The following PIEZO2 variants were observed in gnomAD, a reference collection of about 807,000 sequenced individuals.
The protein encoded by PIEZO2 is piezo-type mechanosensitive ion channel component 2.
Under a neutral mutation model 337.3 loss-of-function variants are expected in PIEZO2, and 172 were observed. That is an observed-to-expected ratio of 0.51 (90% CI 0.45 to 0.58). PIEZO2 has a LOEUF of 0.58. Among genes scored for constraint, PIEZO2 ranks in the 20% least tolerant of loss-of-function variants. The pLI is 0.00. For synonymous variants in PIEZO2, 1,251 were observed against 1,228.5 expected, an observed-to-expected ratio of 1.02 and a Z score of -0.38; for missense variants, 3,028 against 3,391.3, an observed-to-expected ratio of 0.89 and a Z score of 2.66.
Position 10,862,320 on chromosome 18 carries a change from C to A in PIEZO2, c.493-5109G>T, listed in dbSNP as rs1048780075. Among the ~76,000 whole-genome samples, 3 of 152,092 alleles carry A rather than the reference C, an allele frequency of 2.0e-5. No individual in the cohort carries two copies. Among genetic ancestry groups the A allele is most frequent in the Non-Finnish European group, 4.4e-5 (3 of 68,018 alleles). ...TATTAGTGTAAGATCTCTCATTTCA[C>A]ATAAGGAAACTTTAGGTGCTATGGA... On this transcript the variant is annotated intron_variant, in intron 5 of 55. Transcript: ENST00000674853. This position sits in a 1 kb window ranked among gnomAD's most constrained non-coding sequence, Gnocchi z 4.4.
intron 4 of PIEZO2, among the ~76,000 whole-genome samples, chr18:10,892,835 A>G (rs561451443): frequency 1.3e-5 from 2 of 152,372 alleles, no homozygotes; most frequent in South Asian, 4.1e-4. Context: ...CATACAAATG[A>G]AATATTTTAA....
chr18:10,849,836 T>C (rs1314815181), intron 7 of PIEZO2, among the ~76,000 whole-genome samples: 1 of 152,252 alleles, frequency 6.6e-6, no homozygotes, highest in Admixed American at 6.5e-5. Context: ...TCGGGAGACC[T>C]GCCAGACTAA....
Position 10,773,744 on chromosome 18 carries a change from C to T in PIEZO2, c.2568-115G>A. 1 of 988,224 alleles carries T rather than the reference C, an allele frequency of 1.0e-6. No homozygotes were observed. Among genetic ancestry groups the T allele is most frequent in the Non-Finnish European group, 1.5e-6 (1 of 671,708 alleles). 61.2% of individuals were successfully genotyped at this position (988,224 alleles called of 1,614,324 possible). A position where few individuals can be genotyped will look rare whatever the true frequency, so the allele number is the denominator to read the frequency against. ...GAAATCAGTGCATGTACAAAGACCT[C>T]ACAAGGTGGGGTGTTAGCGTTTTGT... On this transcript the variant is annotated intron_variant, in intron 19 of 55. Coordinates refer to ENST00000674853, the MANE Select transcript of PIEZO2 (RefSeq NM_001378183.1). This position sits in a 1 kb window ranked among gnomAD's most constrained non-coding sequence, Gnocchi z 5.3.
rs2037692552 is a variant in PIEZO2, at chr18:10,752,675, T to C, written c.4128A>G (p.Ala1376=). The C allele has an allele frequency of 6.5e-7, 1 of 1,537,136 alleles. No homozygotes were observed. The highest frequency in any genetic ancestry group is 1.2e-5 in the South Asian group (1 of 84,068). The change falls in exon 28 of 56, where the codon GCA becomes GCG. Residue 1376 remains alanine, a synonymous_variant. Transcript: ENST00000674853. ...SILRYWDWLI[A]YNVFVITMKN... is the part of the protein sequence containing the mutation. The stretch of plus-strand genomic sequence containing the variant: ...TCATCGTAATCACAAAAACGTTGTA[T>C]GCGATCAGCCAGTCCCAGTAGCGCA...
intron 4 of PIEZO2, among the ~76,000 whole-genome samples, chr18:10,873,218 C>T (rs949722884): frequency 6.6e-6 from 1 of 151,950 alleles, no homozygotes; most frequent in Non-Finnish European, 1.5e-5. Context: ...TCAATAATAC[C>T]TACCATTTTC....
Position 11,028,253 on chromosome 18 carries a change from T to A in PIEZO2, c.160+37874A>T, listed in dbSNP as rs142645854. Among the ~76,000 whole-genome samples the A allele has an allele frequency of 2.3e-4, 35 of 151,846 alleles. No homozygotes were observed. Among genetic ancestry groups the A allele is most frequent in the African/African-American group, 7.5e-4 (31 of 41,236 alleles). On this transcript the variant is annotated intron_variant, in intron 2 of 55. Transcript: ENST00000674853. This position sits in a 1 kb window ranked among gnomAD's most constrained non-coding sequence, Gnocchi z 4.8. ...CTTTTCTTTTCTTCTTCTTCTTCTT[T>A]ATTTTTTATTATTTTTTTTTATTTT... is the stretch of plus-strand genomic sequence containing the variant.
chr18:10,868,592 T>C (rs2042063408), intron 5 of PIEZO2, among the ~76,000 whole-genome samples: 1 of 152,240 alleles, frequency 6.6e-6, no homozygotes, highest in Non-Finnish European at 1.5e-5. Flanking sequence ...GTATTTTCAA[T>C]GTCCCTAATA....
chr18:10,717,916 A>G (rs376284130), intron 37 of PIEZO2, among the ~76,000 whole-genome samples: 4 of 152,306 alleles, frequency 2.6e-5, no homozygotes, highest in African/African-American at 9.6e-5. Flanking sequence ...TGGGACATTA[A>G]GAATTTGCTC....
intron 1 of PIEZO2, among the ~76,000 whole-genome samples, chr18:11,086,355 C>T (rs1312639195): frequency 6.6e-6 from 1 of 151,850 alleles, no homozygotes; most frequent in African/African-American, 2.4e-5. Context: ...CCCGTCTCGA[C>T]TAAAAATACA....
At chr18:11,076,720 A>G (rs1014684803) in intron 1 of PIEZO2, among the ~76,000 whole-genome samples, 9 of 152,248 alleles carry the variant, frequency 5.9e-5, no homozygotes, top group African/African-American at 1.9e-4. Flanking sequence ...CAGTACATAT[A>G]TAATTTCATA....
In PIEZO2 at chr18:10,680,254, C is replaced by G. The variant is rs1174509977; in HGVS notation, c.7897G>C (p.Glu2633Gln). ...SPPSKQKMIH[E>Q]LLDPNSSFSV... Reference sequence around the variant, plus strand: ...AAGCTACTATTGGGGTCCAGGAGTTCGTGTATCATTTTCTGCTTACTGGGT... The same window carrying G: ...AAGCTACTATTGGGGTCCAGGAGTTGGTGTATCATTTTCTGCTTACTGGGT... The change falls in exon 52 of 56, where the codon GAA becomes CAA. Residue 2633 changes from glutamate to glutamine, a missense_variant. By Grantham distance (29) the Glu-to-Gln change is conservative (BLOSUM62 2). Coordinates refer to ENST00000674853, the MANE Select transcript of PIEZO2 (RefSeq NM_001378183.1). 1.2e-6 allele frequency: 2 copies of G among 1,613,964 alleles called. No homozygotes were observed. The highest frequency in any genetic ancestry group is 2.2e-5 in the South Asian group (2 of 91,076).
chr18:10,843,575 T>A (rs1264231158), intron 7 of PIEZO2, among the ~76,000 whole-genome samples: 1 of 152,158 alleles, frequency 6.6e-6, no homozygotes, highest in Non-Finnish European at 1.5e-5. Flanking sequence ...TAGAAAAAAA[T>A]TTAACTGTGA....
chr18:10,782,235 T>G (rs1259528832), intron 17 of PIEZO2, among the ~76,000 whole-genome samples: 1 of 128,580 alleles, frequency 7.8e-6, no homozygotes, highest in East Asian at 2.0e-4. Flanking sequence ...ATATATATGA[T>G]TATATATTAT....
chr18:10,726,578 A>C lies in PIEZO2; in HGVS notation c.5029+4829T>G, dbSNP rs1329222514. 3 of 1,406,936 alleles carry C rather than the reference A, an allele frequency of 2.1e-6. No homozygotes were observed. Among genetic ancestry groups the C allele is most frequent in the Non-Finnish European group, 2.8e-6 (3 of 1,059,152 alleles). The allele number at this position is 1,406,936 out of a possible 1,614,324, so 87.2% of individuals were successfully genotyped here. ...CACGCTGTGCGTCTGTCCTTCCGCC[A>C]GCTCTTCCAGGACCTGGCGCGCTAC... On this transcript the variant is annotated intron_variant, in intron 36 of 55. Coordinates refer to ENST00000674853, the MANE Select transcript of PIEZO2 (RefSeq NM_001378183.1). The surrounding 1 kb of genome is among the most constrained non-coding windows in gnomAD (Gnocchi z 5.9).
rs2038153497 is a variant in PIEZO2 at position 11,066,420 on chromosome 18, A to T, written c.65-198T>A. Among the ~76,000 whole-genome samples, 3 of 152,336 alleles carry T rather than the reference A, an allele frequency of 2.0e-5. No individual in the cohort carries two copies. The South Asian group carries it at 6.2e-4, about 32-fold the overall frequency. ...CACTGTGTTGAGCATGACGAGAAGCAGATAATTAAAATACATCATCACTGG... is the reference window on the plus strand; with the variant it reads ...CACTGTGTTGAGCATGACGAGAAGCTGATAATTAAAATACATCATCACTGG... On this transcript the variant is annotated intron_variant, in intron 1 of 55. Coordinates refer to ENST00000674853, the MANE Select transcript of PIEZO2 (RefSeq NM_001378183.1).
intron 1 of PIEZO2, among the ~76,000 whole-genome samples, chr18:11,079,933 A>G (rs1417556000): frequency 6.6e-6 from 1 of 152,240 alleles, no homozygotes; most frequent in Non-Finnish European, 1.5e-5. Context: ...CAATGCAACA[A>G]GTAAAAAAAC....
At chr18:11,114,703 C>G (rs952843677) in intron 1 of PIEZO2, among the ~76,000 whole-genome samples, 9 of 151,730 alleles carry the variant, frequency 5.9e-5, no homozygotes, top group Admixed American at 5.3e-4. Flanking sequence ...CTTTTCCCCC[C>G]ACATATTTGA....
Position 10,671,331 on chromosome 18 carries a change from A to T in PIEZO2, c.*196T>A. 1 of 514,164 alleles carries T rather than the reference A, an allele frequency of 1.9e-6. No homozygotes were observed. The highest frequency in any genetic ancestry group is 3.2e-5 in the South Asian group (1 of 31,416). The allele number at this position is 514,164 out of a possible 1,614,324, so 31.9% of individuals were successfully genotyped here. ...GCCCTGATTTCAGAGAAATGGAGTT[A>T]CAAATAACATTTTCAACAGTGCCTT... On this transcript the variant is annotated 3_prime_UTR_variant, in exon 56 of 56. Transcript: ENST00000674853.
chr18:10,680,378 G>A lies in PIEZO2; in HGVS notation c.7780-7C>T. ...CCAGAAATTGCATAGCACCCTGTATGTGCACAAATGCACATGCATAAATAG... is the reference window on the plus strand; with the variant it reads ...CCAGAAATTGCATAGCACCCTGTATATGCACAAATGCACATGCATAAATAG... On this transcript the variant is annotated splice_polypyrimidine_tract_variant and splice_region_variant and intron_variant, in intron 51 of 55. Coordinates refer to ENST00000674853, the MANE Select transcript of PIEZO2 (RefSeq NM_001378183.1). 6.2e-7 allele frequency: 1 copy of A among 1,611,962 alleles called. No homozygotes were observed. The highest frequency in any genetic ancestry group is 8.5e-7 in the Non-Finnish European group (1 of 1,178,798).
Sources: gnomAD v4.1 joint callset for allele counts (sites outside exome capture counted in the v4.1 genomes callset) on GRCh38, gnomAD v4.1.1 for gene constraint, Gnocchi (gnomAD v3.1) non-coding constraint, MANE v1.5 for transcripts, NCBI Gene and HGNC (gene_info 2026-07-23, HGNC 2026-07-21) for gene names.